CRACD: variants seen among roughly 807,000 people sequenced by gnomAD.
The protein encoded by CRACD is capping protein-inhibiting regulator of actin dynamics.
CRACD carries 56 observed loss-of-function variants against 106.8 expected under a neutral mutation model. The observed-to-expected ratio is 0.52, with a 90% CI of 0.42 to 0.66. The LOEUF (loss-of-function observed/expected upper bound fraction) is 0.66, where lower values mean the gene tolerates loss of function less well. Ranked by LOEUF, CRACD falls within the 30% of genes least tolerant of loss-of-function variation. The probability of loss-of-function intolerance (pLI) is 0.00; values close to 1 mark genes in which losing one functional copy is unlikely to be tolerated. For missense variants in CRACD, 1,730 were observed against 1,623.2 expected (o/e 1.07, Z -1.13); for synonymous variants, 754 against 670.8 (o/e 1.12, Z -1.92).
chr4:56,229,079 C>G lies in CRACD; in HGVS notation c.-188-43242C>G, dbSNP rs184763713. On this transcript the variant is annotated intron_variant, in intron 2 of 10. Transcript: ENST00000682029. ...CAATGATATTATAACAGTGGTGATG[C>G]AGGAAGATTATGCTTGCAGGCATAA... is the stretch of plus-strand genomic sequence containing the variant. Among the ~76,000 whole-genome samples, 698 of 152,248 alleles carry G rather than the reference C, an allele frequency of 4.6e-3. 4 individuals are homozygous for G. Among genetic ancestry groups the G allele is most frequent in the South Asian group, 0.011 (54 of 4,824 alleles).
chr4:56,089,201 A>C lies in CRACD; in HGVS notation c.-336+39902A>C, dbSNP rs557963598. On this transcript the variant is annotated intron_variant, in intron 1 of 10. Coordinates refer to ENST00000682029, the MANE Select transcript of CRACD (RefSeq NM_001393381.1). The stretch of plus-strand genomic sequence containing the variant: ...CCTGTGAAGATCCTACCTTACCCGG[A>C]ATTTGAATTTCCTGTGCCAGCTAAA... Among the ~76,000 whole-genome samples, 203 of 152,268 alleles carry C rather than the reference A, an allele frequency of 1.3e-3. 1 individual carries two copies. In the Middle Eastern group the frequency reaches 0.014, roughly 10 times the overall value.
chr4:56,135,486 C>T (rs1734972612), intron 1 of CRACD, among the ~76,000 whole-genome samples: 1 of 152,170 alleles, frequency 6.6e-6, no homozygotes, highest in Non-Finnish European at 1.5e-5. Flanking sequence ...TGTCAAATGT[C>T]CATTTTCAGT....
At chr4:56,109,768 T>C (rs1734059528) in intron 1 of CRACD, among the ~76,000 whole-genome samples, 1 of 151,546 alleles carries the variant, frequency 6.6e-6, no homozygotes, top group Admixed American at 6.6e-5. Flanking sequence ...GAAGATACAG[T>C]GAGGAAACCT....
chr4:56,135,157 G>A (rs1309226252), intron 1 of CRACD, among the ~76,000 whole-genome samples: 1 of 152,128 alleles, frequency 6.6e-6, no homozygotes, highest in Non-Finnish European at 1.5e-5. Flanking sequence ...CTGGCGGTAT[G>A]CGCCTGTAAT....
intron 2 of CRACD, among the ~76,000 whole-genome samples, chr4:56,189,885 T>C (rs1340197408): frequency 6.6e-6 from 1 of 150,594 alleles, no homozygotes; most frequent in African/African-American, 2.4e-5. Flanking sequence ...TAGTTACATA[T>C]GTATACATGT....
rs565030693 is a variant in CRACD, at chr4:56,189,393, T to A, written c.-189+9963T>A. On this transcript the variant is annotated intron_variant, in intron 2 of 10. Transcript: ENST00000682029. ...AATATTTAAAAAGTATTTCTTTTTT[T>A]AAAAAAATTTTATTATTATTATACT... 4.4e-3 allele frequency among the ~76,000 whole-genome samples: 669 copies of A among 152,220 alleles called. 5 individuals carry two copies. Among genetic ancestry groups the A allele is most frequent in the African/African-American group, 0.015 (612 of 41,532 alleles).
chr4:56,293,995 G>A (rs968152863), intron 3 of CRACD, among the ~76,000 whole-genome samples: 7 of 152,194 alleles, frequency 4.6e-5, no homozygotes, highest in African/African-American at 1.4e-4. Context: ...GGGAGGCTAA[G>A]GTGGGAGGAT....
chr4:56,164,911 A>G (rs1736086482), intron 1 of CRACD, among the ~76,000 whole-genome samples: 1 of 152,226 alleles, frequency 6.6e-6, no homozygotes, highest in African/African-American at 2.4e-5. Context: ...AATTTGGTTC[A>G]GAGTCCTCCA....
intron 3 of CRACD, among the ~76,000 whole-genome samples, chr4:56,273,308 T>TCTTCCTTC (rs1224412354): frequency 6.6e-6 from 1 of 150,800 alleles, no homozygotes; most frequent in Non-Finnish European, 1.5e-5. Flanking sequence ...TTCCTTCCTT[T>TCTTCCTTC]CTTCCTTCCT....
At chr4:56,217,405 A>C (rs1738762618) in intron 2 of CRACD, among the ~76,000 whole-genome samples, 1 of 130,432 alleles carries the variant, frequency 7.7e-6, no homozygotes, top group Non-Finnish European at 1.6e-5. Context: ...GTAAAAGTAC[A>C]TTGGTTCAGT....
rs1746670197 is a variant in CRACD, at chr4:56,329,474, TAGCTC to T, written c.*1674_*1678del. On this transcript the variant is annotated 3_prime_UTR_variant, in exon 11 of 11. Transcript: ENST00000682029. ...GAAACCATTTTCTTTCTAGAAACAA[TAGCTC>T]AGCCTCACTGTAGCAGCTGGCATGT... Among the ~76,000 whole-genome samples the T allele has an allele frequency of 6.6e-6, 1 of 152,208 alleles. No individual in the cohort carries two copies. The highest frequency in any genetic ancestry group is 2.1e-4 in the South Asian group (1 of 4,838).
intron 5 of CRACD, among the ~76,000 whole-genome samples, chr4:56,308,363 C>T (rs2109749477): frequency 6.6e-6 from 1 of 152,074 alleles, no homozygotes; most frequent in South Asian, 2.1e-4. Flanking sequence ...GAGAGTTCTT[C>T]CAAAGCAGCA....
At chr4:56,135,632 G>A (rs1029398205) in intron 1 of CRACD, among the ~76,000 whole-genome samples, 1 of 152,208 alleles carries the variant, frequency 6.6e-6, no homozygotes, top group Non-Finnish European at 1.5e-5. Flanking sequence ...TACAAAGACA[G>A]ACGTCTCATC....
At position 56,184,288 on chromosome 4, in the gene CRACD, C is replaced by T. The variant is rs184360957; in HGVS notation, c.-189+4858C>T. Among the ~76,000 whole-genome samples the T allele has an allele frequency of 5.9e-5, 9 of 152,316 alleles. No individual in the cohort carries two copies. In the East Asian group the frequency reaches 1.4e-3, roughly 23 times the overall value. ...GTTTCACCATGTTGGCCAGATTGGT[C>T]TCAAATTCCTGGCCTCAGGTGATCC... is the stretch of plus-strand genomic sequence containing the variant. On this transcript the variant is annotated intron_variant, in intron 2 of 10. Transcript: ENST00000682029.
At chr4:56,294,937 AAAAAGAAAAAAAAG>A (rs1383389293) in intron 3 of CRACD, among the ~76,000 whole-genome samples, 2 of 141,372 alleles carry the variant, frequency 1.4e-5, no homozygotes, top group African/African-American at 2.6e-5. Flanking sequence ...AAAAAAAAGT[AAAAAGAAAAAAAAG>A]AAAAGAAAAG....
chr4:56,314,807 C>A lies in CRACD; in HGVS notation c.1305C>A (p.Arg435=). The change falls in exon 8 of 11, where the codon CGC becomes CGA. Residue 435 remains arginine (R), a synonymous_variant. Coordinates refer to ENST00000682029, the MANE Select transcript of CRACD (RefSeq NM_001393381.1). The surrounding 1 kb of genome is among the most constrained non-coding windows in gnomAD (Gnocchi z 4.4). ...AGGAGAGGCTCGAAGACCAGGAACG[C>A]CTGAAACCCGAAGGACAAAGAGAAC... ...DFEERLEDQE[R]LKPEGQREHS... The A allele has an allele frequency of 6.2e-7, 1 of 1,606,648 alleles. No homozygotes were observed. The highest frequency in any genetic ancestry group is 8.5e-7 in the Non-Finnish European group (1 of 1,177,654).
At chr4:56,289,501 A>G (rs937761017) in intron 3 of CRACD, among the ~76,000 whole-genome samples, 7 of 152,036 alleles carry the variant, frequency 4.6e-5, no homozygotes, top group African/African-American at 1.7e-4. Context: ...GCAAGATCCC[A>G]TCTTTATGAA....
intron 2 of CRACD, among the ~76,000 whole-genome samples, chr4:56,211,226 C>A (rs1417805384): frequency 2.6e-5 from 4 of 152,194 alleles, no homozygotes; most frequent in Non-Finnish European, 4.4e-5. Context: ...GGCATTTGGA[C>A]CAGAGCAACT....
Position 56,314,946 on chromosome 4 carries a change from A to G in CRACD, c.1444A>G (p.Lys482Glu), listed in dbSNP as rs763672818. Residue 482 changes from lysine to glutamate, a missense_variant, in exon 8 of 11, where the codon AAG (lysine) becomes GAG (glutamate). Physicochemically the swap from Lys to Glu is moderately conservative, Grantham distance 56. Transcript: ENST00000682029. The surrounding 1 kb of genome is among the most constrained non-coding windows in gnomAD (Gnocchi z 4.4). The part of the protein sequence containing the change: ...QGADRPGPEE[K>E]REEGDTEPLL... ...GGCCGATCGTCCTGGGCCCGAGGAAAAGAGAGAAGAAGGGGACACGGAGCC... is the reference window on the plus strand; with the variant it reads ...GGCCGATCGTCCTGGGCCCGAGGAAGAGAGAGAAGAAGGGGACACGGAGCC... 30 of 1,595,576 alleles carry G rather than the reference A, an allele frequency of 1.9e-5. No homozygotes were observed. The highest frequency in any genetic ancestry group is 2.4e-5 in the Non-Finnish European group (28 of 1,172,592).
Sources: gnomAD v4.1 joint callset for allele counts (sites outside exome capture counted in the v4.1 genomes callset) on GRCh38, gnomAD v4.1.1 for gene constraint, Gnocchi (gnomAD v3.1) non-coding constraint, MANE v1.5 for transcripts, NCBI Gene and HGNC (gene_info 2026-07-23, HGNC 2026-07-21) for gene names.